DGKB: variants seen among roughly 807,000 people sequenced by gnomAD.
DGKB encodes diacylglycerol kinase beta.
Under a neutral mutation model 114.3 loss-of-function variants are expected in DGKB, and 67 were observed. The observed-to-expected ratio is 0.59, with a 90% CI of 0.48 to 0.72. The LOEUF is 0.72. DGKB is among the 30% of genes least tolerant of loss of function. The pLI is 0.00. For missense variants in DGKB, 907 were observed against 975.2 expected, an observed-to-expected ratio of 0.93 and a Z score of 0.93; for synonymous variants, 398 against 323.1, an observed-to-expected ratio of 1.23 and a Z score of -2.49.
At chr7:14,171,500 T>A (rs1447593477) in intron 25 of DGKB, among the ~76,000 whole-genome samples, 1 of 152,190 alleles carries the variant, frequency 6.6e-6, no homozygotes, top group African/African-American at 2.4e-5. Context: ...ATGCAGCTTT[T>A]TGAATGTGCA....
rs1354218656 is a variant in DGKB at position 14,377,599 on chromosome 7, T to C, written c.1836-32208A>G. Reference sequence around the variant, plus strand: ...GTGATTTTAATAAAAACATATACTGTGTACTTGTAACTTGGTAACAAACGC... The same window carrying C: ...GTGATTTTAATAAAAACATATACTGCGTACTTGTAACTTGGTAACAAACGC... On this transcript the variant is annotated intron_variant, in intron 21 of 25. Transcript: ENST00000402815. Among the ~76,000 whole-genome samples the C allele has an allele frequency of 2.6e-5, 4 of 152,222 alleles. No individual in the cohort carries two copies. The East Asian group carries it at 5.8e-4, about 22-fold the overall frequency.
Position 14,447,102 on chromosome 7 carries a change from C to A in DGKB, c.1835+31059G>T, listed in dbSNP as rs28529531. Among the ~76,000 whole-genome samples, 766 of 152,210 alleles carry A rather than the reference C, an allele frequency of 5.0e-3. 2 individuals are homozygous for A. Among genetic ancestry groups the A allele is most frequent in the African/African-American group, 0.017 (722 of 41,540 alleles). On this transcript the variant is annotated intron_variant, in intron 21 of 25. Coordinates refer to ENST00000402815, the MANE Select transcript of DGKB (RefSeq NM_001350709.2). ...TGTGGGTTTCACTTAGGGTAGTAAC[C>A]AAGGTGGAGTCACTATGGCCAACCC...
chr7:14,588,793 T>C (rs925293749), intron 17 of DGKB, among the ~76,000 whole-genome samples: 16 of 152,138 alleles, frequency 1.1e-4, no homozygotes, highest in African/African-American at 3.1e-4. Flanking sequence ...ACTAGTACCA[T>C]ACTCTCGCAA....
chr7:14,392,466 A>G (rs373849309), intron 21 of DGKB, among the ~76,000 whole-genome samples: 15 of 152,370 alleles, frequency 9.8e-5, no homozygotes, highest in African/African-American at 3.4e-4. Flanking sequence ...AATGGAACGT[A>G]CTATTTATTC....
intron 25 of DGKB, among the ~76,000 whole-genome samples, chr7:14,156,103 A>G (rs1782982445): frequency 6.6e-6 from 1 of 152,126 alleles, no homozygotes; most frequent in African/African-American, 2.4e-5. Context: ...AAGAAGTGCT[A>G]TCATATAAAC....
At chr7:14,648,353 C>A (rs1330630616) in intron 13 of DGKB, among the ~76,000 whole-genome samples, 3 of 152,198 alleles carry the variant, frequency 2.0e-5, no homozygotes, top group Non-Finnish European at 2.9e-5. Context: ...CCCCGAGCAG[C>A]CTAACTGGGA....
At chr7:14,402,318 T>C (rs1048542462) in intron 21 of DGKB, among the ~76,000 whole-genome samples, 3 of 151,890 alleles carry the variant, frequency 2.0e-5, no homozygotes, top group African/African-American at 7.2e-5. Context: ...ATAATTCTAA[T>C]TTAATGATAA....
chr7:14,696,189 C>T lies in DGKB; in HGVS notation c.591+1906G>A, dbSNP rs545950496. 1.4e-4 allele frequency among the ~76,000 whole-genome samples: 21 copies of T among 152,080 alleles called. No individual in the cohort carries two copies. In the South Asian group the frequency reaches 3.1e-3, roughly 23 times the overall value. On this transcript the variant is annotated intron_variant, in intron 8 of 25. Coordinates refer to ENST00000402815, the MANE Select transcript of DGKB (RefSeq NM_001350709.2). Reference sequence around the variant, plus strand: ...GCTTTTGTTGAGAAGTGTTAGTGCCCGCTGTTTAGAAACCTGAATGGAGGC... The same window carrying T: ...GCTTTTGTTGAGAAGTGTTAGTGCCTGCTGTTTAGAAACCTGAATGGAGGC...
intron 22 of DGKB, 36 bp from the exon 23 acceptor site, chr7:14,338,746 TTTTATC>T (rs774866298): frequency 7.8e-6 from 10 of 1,274,224 alleles, no homozygotes; most frequent in South Asian, 4.0e-5. Context: ...AAACGGAATA[TTTTATC>T]TTTATTTCCC....
At chr7:14,160,651 G>A (rs1783744314) in intron 25 of DGKB, among the ~76,000 whole-genome samples, 1 of 152,196 alleles carries the variant, frequency 6.6e-6, no homozygotes, top group Non-Finnish European at 1.5e-5. Flanking sequence ...AACATTCCAT[G>A]CTCATGGATA....
At chr7:14,759,759 CT>C (rs1401424228) in intron 2 of DGKB, among the ~76,000 whole-genome samples, 1 of 152,140 alleles carries the variant, frequency 6.6e-6, no homozygotes, top group African/African-American at 2.4e-5. Context: ...ATTCAATTCT[CT>C]TGGCTATATA....
At chr7:14,811,295 A>C (rs1289472712) in intron 2 of DGKB, among the ~76,000 whole-genome samples, 1 of 152,242 alleles carries the variant, frequency 6.6e-6, no homozygotes, top group East Asian at 1.9e-4. Context: ...GCAGCTTCAA[A>C]CTTCCAGGAT....
At chr7:14,890,606 G>A (rs1278301635) in intron 1 of DGKB, among the ~76,000 whole-genome samples, 1 of 151,414 alleles carries the variant, frequency 6.6e-6, no homozygotes, top group African/African-American at 2.4e-5. Context: ...GGATGTGTCT[G>A]AGAAAAACAT....
At chr7:14,627,586 C>CTGTG (rs111786359) in intron 14 of DGKB, among the ~76,000 whole-genome samples, 5,588 of 149,080 alleles carry the variant, frequency 0.037, 120 homozygotes, top group African/African-American at 0.065. Context: ...ATGTCTGTGT[C>CTGTG]TGTGTGTGTG....
intron 17 of DGKB, among the ~76,000 whole-genome samples, chr7:14,589,737 A>G (rs1208683593): frequency 6.6e-6 from 1 of 152,014 alleles, no homozygotes; most frequent in Admixed American, 6.6e-5. Context: ...AAATCCTTTC[A>G]GGCACCCAAA....
intron 23 of DGKB, among the ~76,000 whole-genome samples, chr7:14,319,164 C>T (rs1165304469): frequency 6.6e-6 from 1 of 151,262 alleles, no homozygotes; most frequent in Non-Finnish European, 1.5e-5. Flanking sequence ...GGAGGGATAG[C>T]ATTAGGAGAT....
intron 5 of DGKB, among the ~76,000 whole-genome samples, chr7:14,730,215 G>A (rs1830704447): frequency 6.6e-6 from 1 of 152,184 alleles, no homozygotes; most frequent in African/African-American, 2.4e-5. Context: ...TATCTTATAT[G>A]TAAAGAAAGG....
At chr7:14,207,565 T>C (rs1477194512) in intron 23 of DGKB, among the ~76,000 whole-genome samples, 1 of 152,032 alleles carries the variant, frequency 6.6e-6, no homozygotes, top group Admixed American at 6.6e-5. Context: ...GAGTGGTTCC[T>C]GGCTGTATGG....
chr7:14,750,964 C>G (rs4721367), intron 4 of DGKB, among the ~76,000 whole-genome samples: 8,289 of 151,788 alleles, frequency 0.055, 330 homozygotes, highest in Admixed American at 0.11. Context: ...CTCCCTCACC[C>G]AGCTAATTTT....
Sources: allele counts gnomAD v4.1 joint callset (sites outside exome capture counted in the v4.1 genomes callset), GRCh38; gene constraint gnomAD v4.1.1; transcripts MANE v1.5; gene names NCBI Gene and HGNC (gene_info 2026-07-23, HGNC 2026-07-21).